PPFIA2: variants seen among roughly 807,000 people sequenced by gnomAD.
PPFIA2 encodes liprin-alpha-2.
Under a neutral mutation model 175.5 loss-of-function variants are expected in PPFIA2, and 46 were observed. That is an observed-to-expected ratio of 0.26 (90% CI 0.21 to 0.34). The LOEUF is 0.34. Ranked by LOEUF, PPFIA2 falls within the 10% of genes least tolerant of loss-of-function variation. The pLI is 1.00. For missense variants in PPFIA2, 1,179 were observed against 1,506.1 expected, an observed-to-expected ratio of 0.78 and a Z score of 3.60; for synonymous variants, 568 against 511.4, an observed-to-expected ratio of 1.11 and a Z score of -1.49.
At chr12:81,372,263 A>G (rs1182777451) in intron 11 of PPFIA2, among the ~76,000 whole-genome samples, 1 of 151,616 alleles carries the variant, frequency 6.6e-6, no homozygotes, top group Non-Finnish European at 1.5e-5. Flanking sequence ...AGAAAGGGAG[A>G]AGAAATTAAA....
chr12:81,537,428 C>A (rs781300209), intron 4 of PPFIA2, among the ~76,000 whole-genome samples: 25 of 151,778 alleles, frequency 1.6e-4, no homozygotes, highest in Non-Finnish European at 2.9e-4. Flanking sequence ...TAATTATAAT[C>A]AAAGGCATCC....
At chr12:81,377,453 C>G (rs60084351) in intron 9 of PPFIA2, among the ~76,000 whole-genome samples, 1 of 151,246 alleles carries the variant, frequency 6.6e-6, no homozygotes, top group South Asian at 2.1e-4. Flanking sequence ...TCAGAGAGGC[C>G]GAGGCCTGAG....
intron 5 of PPFIA2, among the ~76,000 whole-genome samples, chr12:81,446,951 C>T (rs1412078427): frequency 6.6e-6 from 1 of 151,944 alleles, no homozygotes; most frequent in Non-Finnish European, 1.5e-5. Context: ...CAAAGAACAC[C>T]AGTATCTGAG....
chr12:81,552,987 G>A (rs2153372885), intron 4 of PPFIA2, among the ~76,000 whole-genome samples: 1 of 152,056 alleles, frequency 6.6e-6, no homozygotes, highest in South Asian at 2.1e-4. Context: ...CATTCACTTT[G>A]CTCATCACTG....
At chr12:81,499,873 C>G (rs1435428361) in intron 4 of PPFIA2, among the ~76,000 whole-genome samples, 2 of 152,012 alleles carry the variant, frequency 1.3e-5, no homozygotes, top group African/African-American at 4.8e-5. Flanking sequence ...GATTCTGTGT[C>G]TGGGTCCCTG....
intron 4 of PPFIA2, among the ~76,000 whole-genome samples, chr12:81,470,843 A>G (rs982173299): frequency 1.3e-5 from 2 of 152,190 alleles, no homozygotes; most frequent in African/African-American, 4.8e-5. Context: ...TGATCAGTAC[A>G]TGTCTGGAAC....
At chr12:81,280,029 C>G (rs1159424415) in intron 27 of PPFIA2, among the ~76,000 whole-genome samples, 1 of 152,168 alleles carries the variant, frequency 6.6e-6, no homozygotes, top group Non-Finnish European at 1.5e-5. Context: ...CTTCCTTCAT[C>G]CAATTTAAAT....
intron 25 of PPFIA2, 66 bp from the exon 26 acceptor site, chr12:81,283,105 T>C (rs1593797480): frequency 2.6e-6 from 4 of 1,514,804 alleles, no homozygotes; most frequent in Non-Finnish European, 3.6e-6. Flanking sequence ...ATCAATACAG[T>C]AAAATTTTTC....
At chr12:81,601,066 TGAATC>T (rs1251523386) in intron 4 of PPFIA2, among the ~76,000 whole-genome samples, 31 of 151,996 alleles carry the variant, frequency 2.0e-4, no homozygotes, top group African/African-American at 7.2e-4. Context: ...CTGGGAATTA[TGAATC>T]TTTCCAGCCA....
At chr12:81,461,568 A>G (rs2054543169) in intron 4 of PPFIA2, among the ~76,000 whole-genome samples, 1 of 152,048 alleles carries the variant, frequency 6.6e-6, no homozygotes, top group Admixed American at 6.6e-5. Context: ...GAGGCCCATC[A>G]GGGATCTCCA....
intron 23 of PPFIA2, chr12:81,298,226 C>T (rs144648323): frequency 1.3e-4 from 20 of 152,160 alleles, no homozygotes; most frequent in Admixed American, 8.5e-4. Flanking sequence ...TTTAAAGACA[C>T]GGTTGAAAGA....
intron 7 of PPFIA2, among the ~76,000 whole-genome samples, chr12:81,410,368 G>T (rs578043273): frequency 1.3e-5 from 2 of 151,942 alleles, no homozygotes; most frequent in Non-Finnish European, 2.9e-5. Flanking sequence ...AGTTAATAGC[G>T]GGCTGGGATA....
chr12:81,471,491 G>T (rs572065863), intron 4 of PPFIA2, among the ~76,000 whole-genome samples: 2 of 150,466 alleles, frequency 1.3e-5, no homozygotes, highest in Admixed American at 6.6e-5. Context: ...TTTTTCAAGG[G>T]TGAATAATTT....
At chr12:81,711,956 A>C (rs2077993364) in intron 3 of PPFIA2, among the ~76,000 whole-genome samples, 1 of 151,154 alleles carries the variant, frequency 6.6e-6, no homozygotes, top group South Asian at 2.1e-4. Context: ...ATTTCTTCAA[A>C]ATTTTTCAGT....
At chr12:81,380,536 TG>T (rs1484003192) in intron 9 of PPFIA2, among the ~76,000 whole-genome samples, 5 of 129,688 alleles carry the variant, frequency 3.9e-5, no homozygotes, top group African/African-American at 1.6e-4. Flanking sequence ...TCCTGCTTAT[TG>T]AAAAAAAAAG....
chr12:81,444,899 TCTC>T (rs1566860999), intron 6 of PPFIA2, among the ~76,000 whole-genome samples: 1 of 152,070 alleles, frequency 6.6e-6, no homozygotes, highest in Admixed American at 6.5e-5. Flanking sequence ...GCCTTCCTAA[TCTC>T]CTAAGGATAT....
chr12:81,750,583 G>C (rs975955746), intron 3 of PPFIA2, among the ~76,000 whole-genome samples: 16 of 152,066 alleles, frequency 1.1e-4, no homozygotes, highest in African/African-American at 3.9e-4. Flanking sequence ...AGATAATTGA[G>C]GGCATAGCTA....
intron 4 of PPFIA2, among the ~76,000 whole-genome samples, chr12:81,663,480 A>C (rs1466284662): frequency 6.6e-6 from 1 of 152,202 alleles, no homozygotes; most frequent in Non-Finnish European, 1.5e-5. Context: ...TCCAACTTAC[A>C]ATGGATGGAA....
At chr12:81,596,260 A>G (rs2059236517) in intron 4 of PPFIA2, among the ~76,000 whole-genome samples, 3 of 151,870 alleles carry the variant, frequency 2.0e-5, no homozygotes, top group African/African-American at 7.2e-5. Context: ...ATATACCTTA[A>G]TCTTTGTGCT....
Sources: allele counts gnomAD v4.1 joint callset (sites outside exome capture counted in the v4.1 genomes callset), GRCh38; gene constraint gnomAD v4.1.1; transcripts MANE v1.5; gene names NCBI Gene and HGNC (gene_info 2026-07-23, HGNC 2026-07-21).